The following CELF2 variants were observed in gnomAD, a reference collection of about 807,000 sequenced individuals.
CELF2 encodes CUG triplet repeat RNA-binding protein 2.
CELF2 carries 8 observed loss-of-function variants against 62.6 expected under a neutral mutation model. The observed-to-expected ratio is 0.13, with a 90% CI of 0.07 to 0.23. CELF2 has a LOEUF of 0.23. CELF2 is among the 10% of genes least tolerant of loss of function. The pLI is 1.00. For synonymous variants in CELF2, 258 were observed against 250.0 expected, an observed-to-expected ratio of 1.03 and a Z score of -0.30; for missense variants, 333 against 671.0, an observed-to-expected ratio of 0.50 and a Z score of 5.56.
chr10:11,205,832 A>G (rs2060298031), intron 2 of CELF2, among the ~76,000 whole-genome samples: 1 of 152,204 alleles, frequency 6.6e-6, no homozygotes, highest in South Asian at 2.1e-4. Context: ...TGGGGTGAAG[A>G]CAGTTATAAC....
intron 8 of CELF2, 96 bp from the exon 9 acceptor site, chr10:11,288,319 CTCA>C (rs1360544814): frequency 3.4e-6 from 5 of 1,487,790 alleles, no homozygotes; most frequent in Non-Finnish European, 4.6e-6. Context: ...GTCGTCTGCT[CTCA>C]TCATGTGTCC....
At chr10:11,209,935 T>C (rs551262956) in intron 2 of CELF2, among the ~76,000 whole-genome samples, 47 of 152,232 alleles carry the variant, frequency 3.1e-4, no homozygotes, top group Non-Finnish European at 5.9e-4. Context: ...AAGATCCCAG[T>C]TGCAGTTCGA....
At chr10:10,696,745 G>A in the CELF2 span, among the ~76,000 whole-genome samples, 1 of 152,166 alleles carries the variant, frequency 6.6e-6, no homozygotes, top group Non-Finnish European at 1.5e-5. Flanking sequence ...CGCAGTATTT[G>A]GGTGGGAGTG....
chr10:10,616,130 G>A, the CELF2 span, among the ~76,000 whole-genome samples: 1 of 152,118 alleles, frequency 6.6e-6, no homozygotes, highest in East Asian at 1.9e-4. Flanking sequence ...TGTGTGACCA[G>A]AGGCTGACAG....
At chr10:10,949,844 A>C (rs2048120273) in intron 2 of CELF2, among the ~76,000 whole-genome samples, 1 of 151,820 alleles carries the variant, frequency 6.6e-6, no homozygotes, top group South Asian at 2.1e-4. Flanking sequence ...AAAAAAAAAA[A>C]AAAACTCACC....
At chr10:10,948,955 G>A (rs1291786634) in intron 2 of CELF2, among the ~76,000 whole-genome samples, 2 of 152,122 alleles carry the variant, frequency 1.3e-5, no homozygotes, top group Non-Finnish European at 2.9e-5. Context: ...GTGTGGAGAA[G>A]GAGGAGCAAC....
At chr10:10,507,855 T>C in the CELF2 span, among the ~76,000 whole-genome samples, 1 of 152,184 alleles carries the variant, frequency 6.6e-6, no homozygotes, top group African/African-American at 2.4e-5. Flanking sequence ...TCAGATGTGA[T>C]CTTTAATATT....
At chr10:10,996,765 A>T (rs1330947186) in intron 2 of CELF2, among the ~76,000 whole-genome samples, 1 of 149,832 alleles carries the variant, frequency 6.7e-6, no homozygotes, top group South Asian at 2.1e-4. Context: ...TCCAGATCCC[A>T]TTTTTTTTTG....
intron 1 of CELF2, among the ~76,000 whole-genome samples, chr10:11,080,258 T>G (rs904541398): frequency 6.6e-6 from 1 of 152,248 alleles, no homozygotes; most frequent in African/African-American, 2.4e-5. Flanking sequence ...TTAATGTTAG[T>G]TCCCCTTGCT....
At chr10:11,071,007 T>C (rs1471249926) in intron 1 of CELF2, among the ~76,000 whole-genome samples, 2 of 152,180 alleles carry the variant, frequency 1.3e-5, no homozygotes, top group African/African-American at 4.8e-5. Context: ...TTTGAGAAAT[T>C]TGGCTATTTA....
chr10:10,784,915 C>T, the CELF2 span, among the ~76,000 whole-genome samples: 3 of 152,266 alleles, frequency 2.0e-5, no homozygotes, highest in East Asian at 5.8e-4. Flanking sequence ...CACATGGCCT[C>T]ACCTCTACAA....
rs2066905819 is a variant in CELF2 at position 11,165,768 on chromosome 10, G to A, written c.271+86G>A. 3.1e-6 allele frequency: 4 copies of A among 1,309,078 alleles called. No individual in the cohort carries two copies. Among genetic ancestry groups the A allele is most frequent in the African/African-American group, 3.0e-5 (2 of 67,182 alleles). 81.1% of individuals were successfully genotyped at this position (1,309,078 alleles called of 1,614,324 possible). On this transcript the variant is annotated intron_variant, in intron 2 of 12. Coordinates refer to ENST00000633077, the MANE Select transcript of CELF2 (RefSeq NM_001326342.2). This position sits in a 1 kb window ranked among gnomAD's most constrained non-coding sequence, Gnocchi z 7.4. The stretch of plus-strand genomic sequence containing the variant: ...TGTCCGAGCCCCCAGCCTGCAGGAG[G>A]AAGGGCGGGTAGGCAGGAGGGCTGG...
intron 3 of CELF2, among the ~76,000 whole-genome samples, chr10:11,218,569 C>T (rs1180029780): frequency 6.6e-6 from 1 of 152,222 alleles, no homozygotes; most frequent in Non-Finnish European, 1.5e-5. Context: ...ATTTTCACAA[C>T]ATGAGGTTCT....
At chr10:11,256,618 G>A (rs1278214903) in intron 4 of CELF2, among the ~76,000 whole-genome samples, 9 of 128,692 alleles carry the variant, frequency 7.0e-5, no homozygotes, top group Non-Finnish European at 1.4e-4. Flanking sequence ...GAAATGAAAC[G>A]ATGGAAAAGA....
intron 1 of CELF2, among the ~76,000 whole-genome samples, chr10:10,807,814 G>A (rs1274652702): frequency 6.6e-6 from 1 of 152,102 alleles, no homozygotes; most frequent in African/African-American, 2.4e-5. Flanking sequence ...GCTTGATCTT[G>A]AGTTAGCAAT....
chr10:10,946,619 A>C (rs1268207749), intron 2 of CELF2: 1 of 152,338 alleles, frequency 6.6e-6, no homozygotes, highest in African/African-American at 2.4e-5. Context: ...ATAAAGTTTT[A>C]GTGTTTTTTT....
intron 2 of CELF2, chr10:10,924,101 A>G (rs1312901738): frequency 2.0e-5 from 3 of 152,042 alleles, no homozygotes; most frequent in Non-Finnish European, 4.4e-5. Context: ...CAAAGTAAAG[A>G]TATAAACACT....
chr10:11,008,724 G>T lies in CELF2; in HGVS notation c.53+3284G>T, dbSNP rs1301919261. Among the ~76,000 whole-genome samples the T allele has an allele frequency of 6.7e-6, 1 of 148,396 alleles. No homozygotes were observed. The highest frequency in any genetic ancestry group is 1.9e-4 in the East Asian group (1 of 5,198). On this transcript the variant is annotated intron_variant, in intron 1 of 12. Coordinates refer to the CELF2 transcript ENST00000416382. This position sits in a 1 kb window ranked among gnomAD's most constrained non-coding sequence, Gnocchi z 4.5. Reference sequence around the variant, plus strand: ...TGGGGACGATCATTCTGTATTTAAGGTGTCAGAATTCATAGACGAAAAGCA... The same window carrying T: ...TGGGGACGATCATTCTGTATTTAAGTTGTCAGAATTCATAGACGAAAAGCA...
the CELF2 span, among the ~76,000 whole-genome samples, chr10:10,496,604 C>T: frequency 6.6e-6 from 1 of 152,080 alleles, no homozygotes; most frequent in Non-Finnish European, 1.5e-5. Context: ...CAGTTCTTGC[C>T]CCTAAGGAGG....
Sources: allele counts gnomAD v4.1 joint callset (sites outside exome capture counted in the v4.1 genomes callset), GRCh38; gene constraint gnomAD v4.1.1; non-coding constraint Gnocchi (gnomAD v3.1); transcripts MANE v1.5; gene names NCBI Gene and HGNC (gene_info 2026-07-23, HGNC 2026-07-21).